KATNIP: variants seen among roughly 807,000 people sequenced by gnomAD.
The protein encoded by KATNIP is katanin-interacting protein.
KATNIP carries 126 observed loss-of-function variants against 174.0 expected under a neutral mutation model. The ratio of observed to expected loss-of-function variants is 0.72; its 90% CI spans 0.63 to 0.84. KATNIP has a LOEUF of 0.84. KATNIP is among the 40% of genes least tolerant of loss of function. The probability of loss-of-function intolerance (pLI) is 0.00; values close to 1 mark genes in which losing one functional copy is unlikely to be tolerated. For synonymous variants in KATNIP, 810 were observed against 835.7 expected, an observed-to-expected ratio of 0.97 and a Z score of 0.53; for missense variants, 1,958 against 2,109.7, an observed-to-expected ratio of 0.93 and a Z score of 1.41.
chr16:27,766,985 G>A (rs761035304), intron 20 of KATNIP, among the ~76,000 whole-genome samples: 42 of 152,142 alleles, frequency 2.8e-4, no homozygotes, highest in Non-Finnish European at 5.1e-4. Flanking sequence ...TGTGATTTCC[G>A]TGTGATGTTT....
At position 27,780,141 on chromosome 16, in the gene KATNIP, G is replaced by A. The variant is rs1044764249; in HGVS notation, c.*1512G>A. ...CCAAACCAGTGCCGCTGCATTAAAG[G>A]GAGGCCCAGCTACTCCTTCCCAGCT... is the stretch of plus-strand genomic sequence containing the variant. On this transcript the variant is annotated 3_prime_UTR_variant, in exon 28 of 28. Transcript: ENST00000261588. The A allele has an allele frequency of 1.3e-5, 2 of 152,126 alleles. No homozygotes were observed. The highest frequency in any genetic ancestry group is 4.8e-5 in the African/African-American group (2 of 41,402). 9.4% of individuals were successfully genotyped at this position (152,126 alleles called of 1,614,324 possible).
chr16:27,778,051 C>G (rs933355184), intron 27 of KATNIP, 82 bp downstream of exon 27: 3 of 1,248,274 alleles, frequency 2.4e-6, no homozygotes, highest in Non-Finnish European at 3.4e-6. Flanking sequence ...CTTGCACCCC[C>G]ACCCTCACCC....
intron 8 of KATNIP, among the ~76,000 whole-genome samples, chr16:27,690,363 T>TAGATAGATAGATAGATAATA (rs397837255): frequency 1.1e-5 from 1 of 90,986 alleles, no homozygotes; most frequent in Non-Finnish European, 2.3e-5. Flanking sequence ...GATAGATAGA[T>TAGATAGATAGATAGATAATA]GATAGATAGA....
At chr16:27,762,978 C>T (rs559649770) in intron 19 of KATNIP, among the ~76,000 whole-genome samples, 4 of 152,106 alleles carry the variant, frequency 2.6e-5, no homozygotes, top group Non-Finnish European at 5.9e-5. Flanking sequence ...TACCTCTAAA[C>T]AATAAGGGAT....
rs185164546 is a variant in KATNIP, at chr16:27,736,732, C to T, written c.1744-3309C>T. ...TCACTGGGCAGCTTTAAGCAGGAGG[C>T]TCCCATGATCTGATTTCAGTTGTTA... On this transcript the variant is annotated intron_variant, in intron 14 of 27. Coordinates refer to ENST00000261588, the MANE Select transcript of KATNIP (RefSeq NM_015202.5). Among the ~76,000 whole-genome samples, 386 of 152,260 alleles carry T rather than the reference C, an allele frequency of 2.5e-3. 1 individual carries two copies. The highest frequency in any genetic ancestry group is 4.4e-3 in the South Asian group (21 of 4,812).
chr16:27,655,179 T>TGG (rs1478050991), intron 6 of KATNIP, among the ~76,000 whole-genome samples: 42 of 682 alleles, frequency 0.062, no homozygotes, highest in African/African-American at 0.19. Context: ...CTAGAATGGA[T>TGG]ATATATATAT....
intron 5 of KATNIP, among the ~76,000 whole-genome samples, chr16:27,635,239 A>C (rs758860517): frequency 1.5e-4 from 23 of 152,232 alleles, no homozygotes; most frequent in Non-Finnish European, 2.9e-4. Flanking sequence ...AAGTGGGTCA[A>C]AGTGCAGTGA....
chr16:27,757,172 A>G (rs1312300818), intron 18 of KATNIP, among the ~76,000 whole-genome samples: 5 of 151,936 alleles, frequency 3.3e-5, no homozygotes, highest in South Asian at 4.2e-4. Flanking sequence ...GCAGCCTCAT[A>G]CTCCTGGGCT....
At chr16:27,630,114 T>A (rs1194618238) in intron 4 of KATNIP, among the ~76,000 whole-genome samples, 1 of 152,234 alleles carries the variant, frequency 6.6e-6, no homozygotes, top group African/African-American at 2.4e-5. Context: ...GGCTGCCTTG[T>A]TGGAGAGGCC....
Position 27,777,797 on chromosome 16 carries a change from T to TC in KATNIP, c.4712+31dup. On this transcript the variant is annotated intron_variant, in intron 26 of 27. Transcript: ENST00000261588. The surrounding 1 kb of genome is among the most constrained non-coding windows in gnomAD (Gnocchi z 4.4). ...TAGGGCCCCAGCCGGCCCCATGGCC[T>TC]CCCCACCAGCCCTAAGGAGGATGGA... The TC allele has an allele frequency of 6.2e-7, 1 of 1,612,726 alleles. No individual in the cohort carries two copies. The highest frequency in any genetic ancestry group is 8.5e-7 in the Non-Finnish European group (1 of 1,178,982).
At chr16:27,660,078 G>C in intron 6 of KATNIP, 2 of 902,208 alleles carry the variant, frequency 2.2e-6, no homozygotes, top group Non-Finnish European at 2.7e-6. Flanking sequence ...CCGCAAGCCT[G>C]GGAAGGTAGC....
At chr16:27,569,179 A>T (rs1055018756) in intron 1 of KATNIP, among the ~76,000 whole-genome samples, 4 of 152,174 alleles carry the variant, frequency 2.6e-5, no homozygotes, top group African/African-American at 9.6e-5. Flanking sequence ...TATCAAGGGT[A>T]ATTTTGGCAC....
At position 27,681,395 on chromosome 16, in the gene KATNIP, A is replaced by C. The variant is rs889588487; in HGVS notation, c.809-4A>C. 1 of 1,614,030 alleles carries C rather than the reference A, an allele frequency of 6.2e-7. No individual in the cohort carries two copies. Among genetic ancestry groups the C allele is most frequent in the African/African-American group, 1.3e-5 (1 of 74,930 alleles). On this transcript the variant is annotated splice_polypyrimidine_tract_variant and splice_region_variant and intron_variant, in intron 7 of 27. Transcript: ENST00000261588. ...TCTTACATGAAACAATTGTTTTCCT[A>C]CAGGTCATAAAAGGGAAAGGAATTT...
chr16:27,593,474 G>T (rs1488152719), intron 2 of KATNIP, among the ~76,000 whole-genome samples: 1 of 151,926 alleles, frequency 6.6e-6, no homozygotes, highest in Non-Finnish European at 1.5e-5. Flanking sequence ...CTGACCTCAG[G>T]TGATCTGCCT....
intron 1 of KATNIP, among the ~76,000 whole-genome samples, chr16:27,565,193 C>T (rs1057011328): frequency 4.6e-5 from 7 of 150,774 alleles, no homozygotes; most frequent in East Asian, 4.0e-4. Flanking sequence ...AGTCCAGGCG[C>T]GGTGGCTCAC....
chr16:27,757,358 C>T, intron 18 of KATNIP: 1 of 265,502 alleles, frequency 3.8e-6, no homozygotes, highest in Non-Finnish European at 5.8e-6. Context: ...AGAAAGGGGT[C>T]AGCCACCCAA....
intron 2 of KATNIP, among the ~76,000 whole-genome samples, chr16:27,617,057 A>G (rs2076061648): frequency 6.6e-6 from 1 of 152,156 alleles, no homozygotes; most frequent in South Asian, 2.1e-4. Context: ...TGCATATATC[A>G]CTTTAAATAT....
chr16:27,645,609 C>T (rs917340343), intron 5 of KATNIP, among the ~76,000 whole-genome samples: 13 of 152,186 alleles, frequency 8.5e-5, no homozygotes, highest in African/African-American at 3.1e-4. Flanking sequence ...TGGAGGCAGG[C>T]TGGTGGCATG....
intron 5 of KATNIP, among the ~76,000 whole-genome samples, chr16:27,636,727 G>A (rs2076647576): frequency 6.6e-6 from 1 of 152,176 alleles, no homozygotes; most frequent in African/African-American, 2.4e-5. Flanking sequence ...GCCTCTCTGA[G>A]CTGTGCACCC....
Sources: gnomAD v4.1 joint callset for allele counts (sites outside exome capture counted in the v4.1 genomes callset) on GRCh38, gnomAD v4.1.1 for gene constraint, Gnocchi (gnomAD v3.1) non-coding constraint, MANE v1.5 for transcripts, NCBI Gene and HGNC (gene_info 2026-07-23, HGNC 2026-07-21) for gene names.